Variants in DNER observed in about 807,000 individuals in gnomAD.
DNER encodes the protein delta and Notch-like epidermal growth factor-related receptor.
In DNER, 33 loss-of-function variants were observed where a neutral mutation model predicts 78.2. That is an observed-to-expected ratio of 0.42 (90% confidence interval 0.32 to 0.56). The LOEUF is 0.56. Ranked by LOEUF, DNER falls within the 20% of genes least tolerant of loss-of-function variation. The probability of loss-of-function intolerance (pLI) is 0.11; values close to 1 mark genes in which losing one functional copy is unlikely to be tolerated. For synonymous variants in DNER, 417 were observed against 384.8 expected (o/e 1.08, Z -0.98); for missense variants, 918 against 975.3 (o/e 0.94, Z 0.78).
intron 1 of DNER, among the ~76,000 whole-genome samples, chr2:229,691,381 G>A (rs1699569024): frequency 6.6e-6 from 1 of 151,962 alleles, no homozygotes; most frequent in East Asian, 1.9e-4. Flanking sequence ...ACTCTTAATG[G>A]AAAACTACTA....
intron 1 of DNER, among the ~76,000 whole-genome samples, chr2:229,616,260 C>T (rs1308643492): frequency 1.3e-5 from 2 of 152,162 alleles, no homozygotes; most frequent in East Asian, 3.9e-4. Context: ...TGGAATCCTC[C>T]CACATCCTCT....
chr2:229,442,366 T>A (rs1054442377), intron 8 of DNER, among the ~76,000 whole-genome samples: 2 of 151,926 alleles, frequency 1.3e-5, no homozygotes, highest in African/African-American at 4.8e-5. Context: ...ATACAAAAAA[T>A]TAGCTGGTTG....
chr2:229,542,607 G>A (rs1696536924), intron 5 of DNER, among the ~76,000 whole-genome samples: 1 of 152,066 alleles, frequency 6.6e-6, no homozygotes, highest in African/African-American at 2.4e-5. Flanking sequence ...GTGCTATGGA[G>A]TGGATTCTTA....
chr2:229,374,046 T>C (rs532446208), intron 11 of DNER, among the ~76,000 whole-genome samples: 1 of 152,246 alleles, frequency 6.6e-6, no homozygotes, highest in South Asian at 2.1e-4. Context: ...TACATTTCTG[T>C]AATCCCAGCT....
intron 1 of DNER, among the ~76,000 whole-genome samples, chr2:229,673,616 T>G (rs1220031696): frequency 6.6e-6 from 1 of 152,144 alleles, no homozygotes; most frequent in Non-Finnish European, 1.5e-5. Context: ...TGTGTTCCAG[T>G]GCACACTGTT....
chr2:229,638,653 A>G (rs938354831), intron 1 of DNER, among the ~76,000 whole-genome samples: 8 of 152,146 alleles, frequency 5.3e-5, no homozygotes, highest in African/African-American at 1.7e-4. Flanking sequence ...ACACAGGGAT[A>G]TTTTCTGTTC....
At chr2:229,376,885 G>C (rs567946031) in intron 11 of DNER, among the ~76,000 whole-genome samples, 6 of 152,242 alleles carry the variant, frequency 3.9e-5, no homozygotes, top group African/African-American at 1.4e-4. Context: ...GAGAACCAAA[G>C]AGCCAACCTA....
intron 6 of DNER, among the ~76,000 whole-genome samples, chr2:229,481,562 A>G (rs552922864): frequency 2.0e-5 from 3 of 149,852 alleles, no homozygotes; most frequent in African/African-American, 7.3e-5. Context: ...CACAAATCTC[A>G]CCCTTCCTGT....
intron 11 of DNER, among the ~76,000 whole-genome samples, chr2:229,377,117 C>T (rs563059437): frequency 6.6e-6 from 1 of 152,238 alleles, no homozygotes; most frequent in African/African-American, 2.4e-5. Context: ...TACAAGCTCC[C>T]AAAGGCAGGG....
At chr2:229,539,526 T>C (rs938309989) in intron 5 of DNER, among the ~76,000 whole-genome samples, 2 of 152,250 alleles carry the variant, frequency 1.3e-5, no homozygotes. Flanking sequence ...CACTATTTTG[T>C]AAAACTAAAT....
chr2:229,453,920 T>TAAAAAAAAAAAAAAAAAAAA (rs10602558), intron 7 of DNER, among the ~76,000 whole-genome samples: 1 of 106,864 alleles, frequency 9.4e-6, no homozygotes, highest in Non-Finnish European at 1.9e-5. Context: ...TAAAATATAT[T>TAAAAAAAAAAAAAAAAAAAA]AAAAAAAAAA....
intron 6 of DNER, among the ~76,000 whole-genome samples, chr2:229,504,153 T>C (rs563775769): frequency 6.6e-6 from 1 of 152,340 alleles, no homozygotes; most frequent in East Asian, 1.9e-4. Context: ...CCCAGTCACA[T>C]ATATATATCG....
At chr2:229,636,001 A>G (rs2154215885) in intron 1 of DNER, among the ~76,000 whole-genome samples, 1 of 152,220 alleles carries the variant, frequency 6.6e-6, no homozygotes, top group South Asian at 2.1e-4. Context: ...ACTGAGGTAC[A>G]AAAAAGTTAA....
intron 9 of DNER, among the ~76,000 whole-genome samples, chr2:229,414,012 G>A (rs536156735): frequency 1.3e-4 from 19 of 151,756 alleles, no homozygotes; most frequent in Non-Finnish European, 1.9e-4. Context: ...TCCAAAAGGG[G>A]GAAAATGTCC....
At chr2:229,703,406 G>A (rs1356519122) in intron 1 of DNER, among the ~76,000 whole-genome samples, 2 of 152,092 alleles carry the variant, frequency 1.3e-5, no homozygotes, top group African/African-American at 4.8e-5. Flanking sequence ...TCTTAAAATG[G>A]GTCAAAGACC....
chr2:229,532,262 T>A (rs541679115), intron 5 of DNER, among the ~76,000 whole-genome samples: 1 of 152,242 alleles, frequency 6.6e-6, no homozygotes, highest in Admixed American at 6.5e-5. Flanking sequence ...CAGCTTTCCT[T>A]ACCTCTGTCA....
At chr2:229,397,615 A>G (rs1693177415) in intron 10 of DNER, among the ~76,000 whole-genome samples, 1 of 152,180 alleles carries the variant, frequency 6.6e-6, no homozygotes, top group African/African-American at 2.4e-5. Flanking sequence ...ACCAATATAA[A>G]CCATATTCTG....
chr2:229,707,797 C>A (rs1699853410), intron 1 of DNER, among the ~76,000 whole-genome samples: 1 of 152,224 alleles, frequency 6.6e-6, no homozygotes, highest in Non-Finnish European at 1.5e-5. Context: ...CCAGCTCATG[C>A]TCTCTTCACT....
chr2:229,680,089 C>T (rs1465684955), intron 1 of DNER, among the ~76,000 whole-genome samples: 2 of 152,140 alleles, frequency 1.3e-5, no homozygotes, highest in Non-Finnish European at 2.9e-5. Flanking sequence ...AATTCATTTA[C>T]CAAATCCTAA....
Sources: allele counts gnomAD v4.1 joint callset (sites outside exome capture counted in the v4.1 genomes callset), GRCh38; gene constraint gnomAD v4.1.1; transcripts MANE v1.5; gene names NCBI Gene and HGNC (gene_info 2026-07-23, HGNC 2026-07-21).